Variants in TBX15 observed in about 807,000 individuals in gnomAD.
TBX15 encodes the protein T-box transcription factor 15.
In TBX15, 18 loss-of-function variants were observed where a neutral mutation model predicts 53.9. The observed-to-expected ratio is 0.33, with a 90% CI of 0.23 to 0.49. TBX15 has a LOEUF of 0.49. TBX15 is among the 20% of genes least tolerant of loss of function. The pLI is 0.98. For missense variants in TBX15, 692 were observed against 749.5 expected, an observed-to-expected ratio of 0.92 and a Z score of 0.90; for synonymous variants, 295 against 278.0, an observed-to-expected ratio of 1.06 and a Z score of -0.61.
intron 5 of TBX15, among the ~76,000 whole-genome samples, chr1:118,921,573 C>T (rs147483797): frequency 3.9e-4 from 59 of 152,364 alleles, no homozygotes; most frequent in Non-Finnish European, 1.5e-4. Flanking sequence ...ACACAACTTG[C>T]TCAGAGCAAC....
chr1:118,896,218 C>T (rs1368075275), intron 7 of TBX15, among the ~76,000 whole-genome samples: 1 of 152,104 alleles, frequency 6.6e-6, no homozygotes, highest in Admixed American at 6.6e-5. Flanking sequence ...CTGTGTCATG[C>T]CTCAGTTTCT....
chr1:118,884,031 C>A lies in TBX15; in HGVS notation c.*701G>T. On this transcript the variant is annotated 3_prime_UTR_variant, in exon 8 of 8. Coordinates refer to ENST00000369429, the MANE Select transcript of TBX15 (RefSeq NM_001330677.2). ...GCACCACTGGGAATATCAATGATAG[C>A]ATACAAGTGAAGAGAGCCAAAGTTC... 1 of 153,214 alleles carries A rather than the reference C, an allele frequency of 6.5e-6. No individual in the cohort carries two copies. Among genetic ancestry groups the A allele is most frequent in the Non-Finnish European group, 1.5e-5 (1 of 68,444 alleles). 9.5% of individuals were successfully genotyped at this position (153,214 alleles called of 1,614,324 possible). A position where few individuals can be genotyped will look rare whatever the true frequency, so the allele number is the denominator to read the frequency against.
rs562009838 is a variant in TBX15, at chr1:118,956,917, C to T, written c.206-25085G>A. On this transcript the variant is annotated intron_variant, in intron 1 of 7. Transcript: ENST00000369429. ...GGCGGAGTTTGCAGTGAGCCGACAT[C>T]GCACCACTGCACTCCAGCCTGGGCA... Among the ~76,000 whole-genome samples, 5 of 150,628 alleles carry T rather than the reference C, an allele frequency of 3.3e-5. No individual in the cohort carries two copies. The East Asian group carries it at 7.9e-4, about 24-fold the overall frequency.
chr1:118,895,809 A>G (rs1004422174), intron 7 of TBX15, among the ~76,000 whole-genome samples: 12 of 152,238 alleles, frequency 7.9e-5, no homozygotes, highest in African/African-American at 2.9e-4. Context: ...AATAAAAACC[A>G]TCAATAGGAA....
At chr1:118,972,270 T>G (rs1657255869) in intron 1 of TBX15, among the ~76,000 whole-genome samples, 1 of 152,238 alleles carries the variant, frequency 6.6e-6, no homozygotes, top group Non-Finnish European at 1.5e-5. Context: ...TGGACACATG[T>G]AATGTTCTGA....
chr1:118,963,169 C>T (rs1294413413), intron 1 of TBX15, among the ~76,000 whole-genome samples: 4 of 152,178 alleles, frequency 2.6e-5, no homozygotes, highest in African/African-American at 9.7e-5. Context: ...ACAGACCTCA[C>T]ATCCTTAGAG....
intron 1 of TBX15, among the ~76,000 whole-genome samples, chr1:118,946,897 C>T (rs1656363703): frequency 6.6e-6 from 1 of 152,200 alleles, no homozygotes; most frequent in South Asian, 2.1e-4. Flanking sequence ...CTCTGGTTCT[C>T]TTTTCCCCTA....
chr1:118,932,128 C>T (rs1313789969), intron 1 of TBX15, among the ~76,000 whole-genome samples: 1 of 152,134 alleles, frequency 6.6e-6, no homozygotes, highest in African/African-American at 2.4e-5. Flanking sequence ...ATAAATAGTA[C>T]TAATGTCACC....
intron 5 of TBX15, among the ~76,000 whole-genome samples, chr1:118,921,339 A>C (rs1323841029): frequency 6.6e-6 from 1 of 152,216 alleles, no homozygotes. Context: ...GGTGAATAAA[A>C]ACAATTTTCA....
At chr1:118,903,261 G>C (rs887730743) in intron 6 of TBX15, among the ~76,000 whole-genome samples, 1 of 152,110 alleles carries the variant, frequency 6.6e-6, no homozygotes. Context: ...AGAAGAGAAA[G>C]CAAGCCAAGG....
At chr1:118,981,371 C>T (rs901231101) in intron 1 of TBX15, among the ~76,000 whole-genome samples, 1 of 151,392 alleles carries the variant, frequency 6.6e-6, no homozygotes, top group African/African-American at 2.4e-5. Flanking sequence ...ATTTTGTCTA[C>T]ATCCAATTCA....
At chr1:118,981,511 G>A (rs1657651851) in intron 1 of TBX15, among the ~76,000 whole-genome samples, 1 of 152,200 alleles carries the variant, frequency 6.6e-6, no homozygotes, top group Non-Finnish European at 1.5e-5. Flanking sequence ...TAAAACACTA[G>A]CTAATATTAA....
intron 5 of TBX15, among the ~76,000 whole-genome samples, chr1:118,921,731 G>C (rs1447781504): frequency 6.6e-6 from 1 of 152,124 alleles, no homozygotes; most frequent in Non-Finnish European, 1.5e-5. Flanking sequence ...CTTTTCTTCA[G>C]TGTTTCCCCA....
At chr1:118,972,550 G>A (rs1163002169) in intron 1 of TBX15, among the ~76,000 whole-genome samples, 2 of 152,088 alleles carry the variant, frequency 1.3e-5, no homozygotes, top group East Asian at 1.9e-4. Context: ...GGGTAGTTTG[G>A]TAGTTTGGGA....
At chr1:118,928,865 C>A (rs956396668) in intron 2 of TBX15, among the ~76,000 whole-genome samples, 1 of 152,170 alleles carries the variant, frequency 6.6e-6, no homozygotes, top group Non-Finnish European at 1.5e-5. Flanking sequence ...AATCATTTAA[C>A]CCCATCACCT....
In TBX15 at chr1:118,944,634, T is replaced by C. The variant is rs577083371; in HGVS notation, c.206-12802A>G. On this transcript the variant is annotated intron_variant, in intron 1 of 7. Coordinates refer to ENST00000369429, the MANE Select transcript of TBX15 (RefSeq NM_001330677.2). Reference sequence around the variant, plus strand: ...GTGTCGCCGAGACAGCAGGATTTCCTTGCCAAAGTTGCTCCTACCCTCCTC... The same window carrying C: ...GTGTCGCCGAGACAGCAGGATTTCCCTGCCAAAGTTGCTCCTACCCTCCTC... Among the ~76,000 whole-genome samples the C allele has an allele frequency of 4.0e-4, 61 of 152,270 alleles. 1 individual carries two copies. In the South Asian group the frequency reaches 0.012, roughly 30 times the overall value.
intron 1 of TBX15, among the ~76,000 whole-genome samples, chr1:118,956,480 G>A (rs1656694072): frequency 6.6e-6 from 1 of 152,160 alleles, no homozygotes; most frequent in Non-Finnish European, 1.5e-5. Context: ...GTGAAACTGT[G>A]TAAAGGGTAT....
At chr1:118,930,332 G>A (rs1655738057) in intron 2 of TBX15, among the ~76,000 whole-genome samples, 1 of 152,192 alleles carries the variant, frequency 6.6e-6, no homozygotes, top group Admixed American at 6.5e-5. Flanking sequence ...CACAAAAGTA[G>A]CATAACTGTT....
At position 118,987,978 on chromosome 1, in the gene TBX15, G is replaced by C; in HGVS notation, c.-183C>G. The C allele has an allele frequency of 1.3e-6, 1 of 742,936 alleles. No individual in the cohort carries two copies. The highest frequency in any genetic ancestry group is 2.1e-6 in the Non-Finnish European group (1 of 468,286). The allele number at this position is 742,936 out of a possible 1,614,324, so 46.0% of individuals were successfully genotyped here. A position where few individuals can be genotyped will look rare whatever the true frequency, so the allele number is the denominator to read the frequency against. ...GCGTCCTCCTCCGCCCTCCTCTGCC[G>C]GATCCGACCTGCGCCCCTACGCTGG... On this transcript the variant is annotated 5_prime_UTR_variant, in exon 1 of 8. Transcript: ENST00000369429.
Sources: allele counts gnomAD v4.1 joint callset (sites outside exome capture counted in the v4.1 genomes callset), GRCh38; gene constraint gnomAD v4.1.1; transcripts MANE v1.5; gene names NCBI Gene and HGNC (gene_info 2026-07-23, HGNC 2026-07-21).